DGKD: variants seen among roughly 807,000 people sequenced by gnomAD.
DGKD encodes the protein diacylglycerol kinase delta.
In DGKD, 68 loss-of-function variants were observed where a neutral mutation model predicts 154.4. The ratio of observed to expected loss-of-function variants is 0.44; its 90% CI spans 0.36 to 0.54. The LOEUF (loss-of-function observed/expected upper bound fraction) is 0.54, where lower values mean the gene tolerates loss of function less well. Among genes scored for constraint, DGKD ranks in the 20% least tolerant of loss-of-function variants. The pLI is 0.00. For missense variants in DGKD, 1,343 were observed against 1,593.6 expected (o/e 0.84, Z 2.68); for synonymous variants, 693 against 638.0 (o/e 1.09, Z -1.30).
chr2:233,427,898 A>G (rs1240077281), intron 3 of DGKD, among the ~76,000 whole-genome samples: 1 of 152,170 alleles, frequency 6.6e-6, no homozygotes, highest in Non-Finnish European at 1.5e-5. Flanking sequence ...GCACCCTGCC[A>G]CCTGCCCTGG....
chr2:233,356,013 A>G (rs1231244596), intron 1 of DGKD, among the ~76,000 whole-genome samples: 4 of 152,224 alleles, frequency 2.6e-5, no homozygotes, highest in Non-Finnish European at 5.9e-5. Flanking sequence ...TTCTACACCT[A>G]GGGATTCTCA....
At chr2:233,389,760 C>T (rs1274721042) in intron 2 of DGKD, among the ~76,000 whole-genome samples, 1 of 152,132 alleles carries the variant, frequency 6.6e-6, no homozygotes, top group Non-Finnish European at 1.5e-5. Flanking sequence ...AGGGGCTGTG[C>T]CGGGGGACCC....
At chr2:233,390,735 T>A (rs1703543631) in intron 3 of DGKD, among the ~76,000 whole-genome samples, 1 of 152,210 alleles carries the variant, frequency 6.6e-6, no homozygotes, top group Admixed American at 6.5e-5. Flanking sequence ...GGTTCACGTC[T>A]GTTTTGTTTT....
At position 233,458,167 on chromosome 2, in the gene DGKD, C is replaced by T; in HGVS notation, c.2581-117C>T. ...TGAAGCCCGTCAGGAGTGCAGTTACCTGGTAACTTCTCGCCAGCTAGGAGG... is the reference window on the plus strand; with the variant it reads ...TGAAGCCCGTCAGGAGTGCAGTTACTTGGTAACTTCTCGCCAGCTAGGAGG... On this transcript the variant is annotated intron_variant, in intron 21 of 29. Coordinates refer to ENST00000264057, the MANE Select transcript of DGKD (RefSeq NM_152879.3). The surrounding 1 kb of genome is among the most constrained non-coding windows in gnomAD (Gnocchi z 6.6). 1 of 603,664 alleles carries T rather than the reference C, an allele frequency of 1.7e-6. No individual in the cohort carries two copies. The highest frequency in any genetic ancestry group is 2.2e-5 in the South Asian group (1 of 46,400). 37.4% of individuals were successfully genotyped at this position (603,664 alleles called of 1,614,324 possible).
intron 3 of DGKD, among the ~76,000 whole-genome samples, chr2:233,420,562 G>GTA (rs2125543503): frequency 6.6e-6 from 1 of 152,330 alleles, no homozygotes; most frequent in South Asian, 2.1e-4. Flanking sequence ...GGCATAAACA[G>GTA]TATATAGCAT....
intron 2 of DGKD, 58 bp from the exon 3 acceptor site, chr2:233,390,345 G>A (rs2125444393): frequency 7.1e-7 from 1 of 1,399,990 alleles, no homozygotes; most frequent in Non-Finnish European, 1.0e-6. Flanking sequence ...GCGCTGGCTA[G>A]TGCTTAGGGA....
intron 28 of DGKD, 142 bp downstream of exon 28, chr2:233,467,345 A>C: frequency 1.4e-6 from 1 of 697,862 alleles, no homozygotes; most frequent in South Asian, 1.7e-5. Context: ...CTGCGACCAC[A>C]CTTGTCTGTT....
chr2:233,419,224 G>T, intron 3 of DGKD: 2 of 985,690 alleles, frequency 2.0e-6, no homozygotes, highest in Non-Finnish European at 2.4e-6. Flanking sequence ...CCTGCCCCCA[G>T]CACCGTCCCT....
At chr2:233,380,862 G>T (rs1702863456) in intron 1 of DGKD, among the ~76,000 whole-genome samples, 1 of 152,102 alleles carries the variant, frequency 6.6e-6, no homozygotes, top group Non-Finnish European at 1.5e-5. Flanking sequence ...CATTAGTGGG[G>T]GCAGGAATGA....
intron 1 of DGKD, among the ~76,000 whole-genome samples, chr2:233,387,850 A>C (rs1455909514): frequency 1.3e-5 from 2 of 152,214 alleles, no homozygotes; most frequent in Non-Finnish European, 2.9e-5. Flanking sequence ...AGGGGGCCAG[A>C]GAACACAGAG....
Position 233,462,372 on chromosome 2 carries a change from C to T in DGKD, c.3006C>T (p.His1002=). 6.2e-7 allele frequency: 1 copy of T among 1,602,924 alleles called. No individual in the cohort carries two copies. The highest frequency in any genetic ancestry group is 8.5e-7 in the Non-Finnish European group (1 of 1,170,778). ...IHSIREIAQS[H]RDMEQELAHA... The stretch of plus-strand genomic sequence containing the variant: ...GTATCCGAGAAATAGCTCAGTCTCA[C>T]CGGGACATGGAGCAGGAACTGGCCC... Residue 1002 remains histidine (H), a synonymous_variant, in exon 25 of 30, where the codon CAC becomes CAT. Coordinates refer to ENST00000264057, the MANE Select transcript of DGKD (RefSeq NM_152879.3).
intron 3 of DGKD, among the ~76,000 whole-genome samples, chr2:233,401,327 A>G (rs2061553153): frequency 6.6e-6 from 1 of 152,254 alleles, no homozygotes; most frequent in African/African-American, 2.4e-5. Flanking sequence ...ATGAACTGAA[A>G]GCAATAAACC....
intron 1 of DGKD, among the ~76,000 whole-genome samples, chr2:233,373,233 G>A (rs529725043): frequency 3.9e-5 from 6 of 152,180 alleles, no homozygotes; most frequent in African/African-American, 9.7e-5. Flanking sequence ...ATAAAGAGGC[G>A]AAGCTGTGTT....
At chr2:233,414,325 G>T (rs1036458606) in intron 3 of DGKD, among the ~76,000 whole-genome samples, 1 of 152,208 alleles carries the variant, frequency 6.6e-6, no homozygotes, top group Non-Finnish European at 1.5e-5. Context: ...AGCAGCAGCC[G>T]TAGAGGTTGG....
intron 3 of DGKD, among the ~76,000 whole-genome samples, chr2:233,408,111 C>T (rs2061731749): frequency 6.7e-6 from 1 of 150,056 alleles, no homozygotes; most frequent in Non-Finnish European, 1.5e-5. Context: ...GCTGCGCTCT[C>T]AGCTCACTGC....
chr2:233,403,985 TATATAC>T (rs2061620337), intron 3 of DGKD, among the ~76,000 whole-genome samples: 1 of 152,232 alleles, frequency 6.6e-6, no homozygotes, highest in African/African-American at 2.4e-5. Context: ...TTACATGTGT[TATATAC>T]ATGTATAATT....
rs1028930273 is a variant in DGKD, at chr2:233,459,383, G to A, written c.2695-374G>A. Among the ~76,000 whole-genome samples the A allele has an allele frequency of 4.6e-5, 7 of 152,294 alleles. No homozygotes were observed. The highest frequency in any genetic ancestry group is 3.9e-4 in the East Asian group (2 of 5,170). Reference sequence around the variant, plus strand: ...ACGGGATGATGATGGATGGCTCATCGTCATCCACTGTGCCATCTGCTCTTT... The same window carrying A: ...ACGGGATGATGATGGATGGCTCATCATCATCCACTGTGCCATCTGCTCTTT... On this transcript the variant is annotated intron_variant, in intron 22 of 29. Coordinates refer to ENST00000264057, the MANE Select transcript of DGKD (RefSeq NM_152879.3). The surrounding 1 kb of genome is among the most constrained non-coding windows in gnomAD (Gnocchi z 5.7).
chr2:233,457,298 C>G lies in DGKD; in HGVS notation c.2550C>G (p.Thr850=). Residue 850 remains threonine (T), a synonymous_variant, in exon 21 of 30, where the codon ACC becomes ACG. Coordinates refer to ENST00000264057, the MANE Select transcript of DGKD (RefSeq NM_152879.3). This position sits in a 1 kb window ranked among gnomAD's most constrained non-coding sequence, Gnocchi z 5.5. ...ACATTCCCAGCTATGCCGGAGGAAC[C>G]AACTTCTGGGGGGGTACCAAGGAAG... The part of the protein sequence containing the change: ...VLNIPSYAGG[T]NFWGGTKEDD... 3 of 1,533,178 alleles carry G rather than the reference C, an allele frequency of 2.0e-6. No individual in the cohort carries two copies. The highest frequency in any genetic ancestry group is 2.6e-6 in the Non-Finnish European group (3 of 1,140,162). The allele number at this position is 1,533,178 out of a possible 1,614,324, so 95.0% of individuals were successfully genotyped here.
In DGKD at chr2:233,447,906, G is replaced by C. The variant is rs1321294058; in HGVS notation, c.1420-181G>C. 6 of 1,434,808 alleles carry C rather than the reference G, an allele frequency of 4.2e-6. No homozygotes were observed. In the African/African-American group the frequency reaches 8.6e-5, roughly 21 times the overall value. The allele number at this position is 1,434,808 out of a possible 1,614,324, so 88.9% of individuals were successfully genotyped here. On this transcript the variant is annotated intron_variant, in intron 12 of 29. Transcript: ENST00000264057. ...TTTAAAATCTCTCACCTAGCACTAG[G>C]TGAGTCCCAGATTAGCGTTAGAAGT...
Sources: gnomAD v4.1 joint callset for allele counts (sites outside exome capture counted in the v4.1 genomes callset) on GRCh38, gnomAD v4.1.1 for gene constraint, Gnocchi (gnomAD v3.1) non-coding constraint, MANE v1.5 for transcripts, NCBI Gene and HGNC (gene_info 2026-07-23, HGNC 2026-07-21) for gene names.